MTNR1A: variants seen among roughly 807,000 people sequenced by gnomAD.
The protein encoded by MTNR1A is melatonin receptor 1A, also known as melatonin receptor type 1A.
Under a neutral mutation model 5.5 loss-of-function variants are expected in MTNR1A, and 7 were observed. The observed-to-expected ratio is 1.28, with a 90% CI of 0.73 to 2.40. The LOEUF is 2.40. Among genes scored for constraint, MTNR1A ranks in the 30% most tolerant of loss-of-function variants. The pLI, the probability that MTNR1A is intolerant of heterozygous loss-of-function variation, is 0.00. For synonymous variants in MTNR1A, 196 were observed against 202.7 expected, an observed-to-expected ratio of 0.97 and a Z score of 0.28; for missense variants, 441 against 464.4, an observed-to-expected ratio of 0.95 and a Z score of 0.46.
At chr4:186,538,115 C>A (rs553384053) in intron 1 of MTNR1A, among the ~76,000 whole-genome samples, 6 of 152,356 alleles carry the variant, frequency 3.9e-5, no homozygotes, top group African/African-American at 1.4e-4. Context: ...AATGACACAG[C>A]AGCACGACGT....
Position 186,533,910 on chromosome 4 carries a change from C to A in MTNR1A, c.832G>T (p.Val278Leu), listed in dbSNP as rs1481125386. ...MVPRIPEWLF[V>L]ASYYMAYFNS... ...AAATACGCCATGTAGTAACTGGCCACAAACAGCCACTCTGGGATCCTAGGC... is the reference window on the plus strand; with the variant it reads ...AAATACGCCATGTAGTAACTGGCCAAAAACAGCCACTCTGGGATCCTAGGC... Residue 278 changes from valine (V) to leucine (L), a missense_variant, in exon 2 of 2, where the codon GTG (valine) becomes TTG (leucine). By Grantham distance (32) the Val-to-Leu change is conservative. Transcript: ENST00000307161. The A allele has an allele frequency of 9.9e-6, 16 of 1,614,010 alleles. No individual in the cohort carries two copies. The highest frequency in any genetic ancestry group is 1.2e-5 in the Non-Finnish European group (14 of 1,180,042).
In MTNR1A at chr4:186,535,375, C is replaced by A. The variant is rs1353873176; in HGVS notation, c.185-818G>T. On this transcript the variant is annotated intron_variant, in intron 1 of 1. Coordinates refer to ENST00000307161, the MANE Select transcript of MTNR1A (RefSeq NM_005958.4). The stretch of plus-strand genomic sequence containing the variant: ...AATTTTCTCAATTAATATAACAACA[C>A]ATATTTAATTACAGAAAAAAAAAAC... Among the ~76,000 whole-genome samples the A allele has an allele frequency of 1.8e-4, 27 of 148,960 alleles. No homozygotes were observed. The Admixed American group carries it at 1.8e-3, about 10-fold the overall frequency.
chr4:186,542,329 T>C (rs1050808229), intron 1 of MTNR1A, among the ~76,000 whole-genome samples: 2 of 152,172 alleles, frequency 1.3e-5, no homozygotes, highest in African/African-American at 4.8e-5. Flanking sequence ...GGCCCTTAAA[T>C]CTTCCAGCAA....
At chr4:186,535,189 G>A (rs6553010) in intron 1 of MTNR1A, among the ~76,000 whole-genome samples, 35,867 of 152,000 alleles carry the variant, frequency 0.24, 4,891 homozygotes, top group East Asian at 0.64. Flanking sequence ...TGGTGAGCAC[G>A]AGATGAGACT....
chr4:186,544,842 G>A (rs1737107009), intron 1 of MTNR1A, among the ~76,000 whole-genome samples: 1 of 152,184 alleles, frequency 6.6e-6, no homozygotes. Flanking sequence ...TCCCCAAAGT[G>A]TCTGTGAGTT....
rs1180008233 is a variant in MTNR1A, at chr4:186,534,075, G to A, written c.667C>T (p.Pro223Ser). 2.5e-6 allele frequency: 4 copies of A among 1,614,066 alleles called. No homozygotes were observed. In the Admixed American group the frequency reaches 5.0e-5, roughly 20 times the overall value. Reference sequence around the variant, plus strand: ...GGTTTCAGTTTGGGTTTGCGGTCAGGTTTCACCCTCTGTCTGACCTGGAGA... The same window carrying A: ...GGTTTCAGTTTGGGTTTGCGGTCAGATTTCACCCTCTGTCTGACCTGGAGA... ...LVLQVRQRVK[P>S]DRKPKLKPQD... Residue 223 changes from proline to serine, a missense_variant, in exon 2 of 2, where the codon CCT becomes TCT. Physicochemically the swap from Pro to Ser is moderately conservative, Grantham distance 74. Coordinates refer to ENST00000307161, the MANE Select transcript of MTNR1A (RefSeq NM_005958.4).
intron 1 of MTNR1A, among the ~76,000 whole-genome samples, chr4:186,537,492 C>G (rs1415473074): frequency 1.3e-5 from 2 of 152,140 alleles, no homozygotes; most frequent in Non-Finnish European, 2.9e-5. Flanking sequence ...AAAATAATGT[C>G]TGTTCATGGG....
At chr4:186,551,941 C>T (rs965439831) in intron 1 of MTNR1A, among the ~76,000 whole-genome samples, 8 of 152,144 alleles carry the variant, frequency 5.3e-5, no homozygotes, top group Non-Finnish European at 1.5e-5. Context: ...CTACTGTGCA[C>T]ACAGATTAAA....
intron 1 of MTNR1A, among the ~76,000 whole-genome samples, chr4:186,554,309 G>A (rs1490416698): frequency 1.3e-5 from 2 of 152,124 alleles, no homozygotes; most frequent in Admixed American, 1.3e-4. Context: ...TTAACCACCT[G>A]GTTAAAACGA....
intron 1 of MTNR1A, among the ~76,000 whole-genome samples, chr4:186,552,030 C>T (rs1449242310): frequency 2.6e-5 from 4 of 152,118 alleles, no homozygotes; most frequent in Non-Finnish European, 4.4e-5. Context: ...TAGAACACAC[C>T]ACTCATGATG....
Position 186,536,384 on chromosome 4 carries a change from C to T in MTNR1A, c.185-1827G>A, listed in dbSNP as rs1205993318. ...GAAAAAAAAGAAAAAGAAAATTACA[C>T]TAGAGTAAGCAGCAGCACCAGAGCA... On this transcript the variant is annotated intron_variant, in intron 1 of 1. Coordinates refer to ENST00000307161, the MANE Select transcript of MTNR1A (RefSeq NM_005958.4). Among the ~76,000 whole-genome samples, 3 of 151,176 alleles carry T rather than the reference C, an allele frequency of 2.0e-5. No homozygotes were observed. In the South Asian group the frequency reaches 6.3e-4, roughly 32 times the overall value.
intron 1 of MTNR1A, 129 bp from the exon 2 acceptor site, chr4:186,534,686 A>G: frequency 1.8e-6 from 2 of 1,113,946 alleles, no homozygotes; most frequent in Middle Eastern, 2.4e-4. Context: ...CGCACTGCAA[A>G]TGAAGTGGAG....
Position 186,534,218 on chromosome 4 carries a change from T to C in MTNR1A, c.524A>G (p.Tyr175Cys). 1.9e-6 allele frequency: 3 copies of C among 1,613,728 alleles called. No individual in the cohort carries two copies. Among genetic ancestry groups the C allele is most frequent in the East Asian group, 2.2e-5 (1 of 44,848 alleles). ...AGTLQYDPRIYSCTFAQSVSS... is the reference protein window; with the variant it reads ...AGTLQYDPRICSCTFAQSVSS... ...GACGGACTGGGCGAAGGTGCACGAG[T>C]AGATCCTCGGGTCGTACTGGAGAGT... The change falls in exon 2 of 2, where the codon TAC becomes TGC. Residue 175 changes from tyrosine (Y) to cysteine (C), a missense_variant. Coordinates refer to ENST00000307161, the MANE Select transcript of MTNR1A (RefSeq NM_005958.4).
chr4:186,552,953 C>T (rs1176217358), intron 1 of MTNR1A, among the ~76,000 whole-genome samples: 2 of 152,220 alleles, frequency 1.3e-5, no homozygotes, highest in South Asian at 4.1e-4. Flanking sequence ...CCACTGTCCC[C>T]GCCATGCAGA....
chr4:186,540,601 G>A (rs1736992585), intron 1 of MTNR1A, among the ~76,000 whole-genome samples: 1 of 152,266 alleles, frequency 6.6e-6, no homozygotes, highest in Admixed American at 6.5e-5. Context: ...CATGTGATCT[G>A]AAAGCTGTCT....
At chr4:186,543,175 G>A (rs1193625365) in intron 1 of MTNR1A, among the ~76,000 whole-genome samples, 1 of 152,206 alleles carries the variant, frequency 6.6e-6, no homozygotes, top group African/African-American at 2.4e-5. Flanking sequence ...CCATAGACAA[G>A]GAGGGGGGTT....
intron 1 of MTNR1A, among the ~76,000 whole-genome samples, chr4:186,543,970 G>A (rs530937464): frequency 6.6e-6 from 1 of 152,214 alleles, no homozygotes; most frequent in South Asian, 2.1e-4. Context: ...AAAGAATTTT[G>A]TATAAGATTT....
intron 1 of MTNR1A, among the ~76,000 whole-genome samples, chr4:186,537,674 T>C (rs993211627): frequency 1.3e-5 from 2 of 152,174 alleles, no homozygotes; most frequent in African/African-American, 4.8e-5. Context: ...GTACGACTAC[T>C]TAGTGAAAGA....
At chr4:186,540,183 A>C (rs962943882) in intron 1 of MTNR1A, among the ~76,000 whole-genome samples, 11 of 152,166 alleles carry the variant, frequency 7.2e-5, no homozygotes, top group Non-Finnish European at 1.3e-4. Flanking sequence ...TGCCCCTGTG[A>C]TTCAATTACC....
Sources: allele counts gnomAD v4.1 joint callset (sites outside exome capture counted in the v4.1 genomes callset), GRCh38; gene constraint gnomAD v4.1.1; transcripts MANE v1.5; gene names NCBI Gene and HGNC (gene_info 2026-07-23, HGNC 2026-07-21).